TENM2: variants seen among roughly 807,000 people sequenced by gnomAD.
TENM2 encodes the protein teneurin transmembrane protein 2.
TENM2 carries 52 observed loss-of-function variants against 245.2 expected under a neutral mutation model. The observed-to-expected ratio is 0.21, with a 90% CI of 0.17 to 0.27. The LOEUF is 0.27. Among genes scored for constraint, TENM2 ranks in the 10% least tolerant of loss-of-function variants. The probability of loss-of-function intolerance (pLI) is 1.00; values close to 1 mark genes in which losing one functional copy is unlikely to be tolerated. For synonymous variants in TENM2, 1,363 were observed against 1,438.9 expected (o/e 0.95, Z 1.19); for missense variants, 3,046 against 3,666.8 (o/e 0.83, Z 4.37).
the TENM2 span, among the ~76,000 whole-genome samples, chr5:167,101,600 C>T: frequency 5.9e-5 from 9 of 151,644 alleles, no homozygotes; most frequent in African/African-American, 1.2e-4. Context: ...GCAGTACAAA[C>T]GGCACTGCAT....
chr5:168,069,242 C>T (rs1172957292), intron 7 of TENM2, among the ~76,000 whole-genome samples: 1 of 152,144 alleles, frequency 6.6e-6, no homozygotes, highest in Non-Finnish European at 1.5e-5. Flanking sequence ...GGCCTGGATT[C>T]AAAGAAAGCC....
intron 2 of TENM2, among the ~76,000 whole-genome samples, chr5:167,528,316 G>C (rs775191162): frequency 6.6e-6 from 1 of 152,058 alleles, no homozygotes; most frequent in African/African-American, 2.4e-5. Context: ...TGCAATATTT[G>C]GCTAAATATT....
At chr5:167,301,921 G>T (rs1755353858) in intron 1 of TENM2, among the ~76,000 whole-genome samples, 1 of 152,092 alleles carries the variant, frequency 6.6e-6, no homozygotes, top group African/African-American at 2.4e-5. Context: ...TAGGGTGGAG[G>T]AGTGGAGGCT....
At chr5:167,284,805 T>C (rs1771242099) in exon 1 of TENM2, 1 of 1,520,552 alleles carries the variant, frequency 6.6e-7, no homozygotes. Context: ...CTGACTTTTC[T>C]GAAAACATCA....
exon 4 of TENM2, chr5:167,952,627 C>T: frequency 1.9e-6 from 3 of 1,612,762 alleles, no homozygotes; most frequent in Non-Finnish European, 1.7e-6. Context: ...CTGAGGCCCC[C>T]TCTCCCACCC....
chr5:167,950,523 C>T (rs1442766623), intron 3 of TENM2, among the ~76,000 whole-genome samples: 1 of 152,070 alleles, frequency 6.6e-6, no homozygotes, highest in Non-Finnish European at 1.5e-5. Context: ...AGGGCAGGTT[C>T]TCACTTGTGC....
At chr5:167,398,377 C>CCTTTCTTT (rs33991275) in intron 2 of TENM2, among the ~76,000 whole-genome samples, 4,401 of 137,050 alleles carry the variant, frequency 0.032, 119 homozygotes, top group Non-Finnish European at 0.047. Context: ...TTTCTTTCTT[C>CCTTTCTTT]CTTTCTTTCT....
intron 2 of TENM2, among the ~76,000 whole-genome samples, chr5:167,670,264 T>TC (rs1755845899): frequency 1.3e-5 from 2 of 152,160 alleles, no homozygotes; most frequent in South Asian, 4.1e-4. Context: ...TCCTTCTCTG[T>TC]CCTCTTTGAA....
At chr5:168,101,476 A>G (rs897121487) in intron 9 of TENM2, among the ~76,000 whole-genome samples, 7 of 151,978 alleles carry the variant, frequency 4.6e-5, no homozygotes, top group Non-Finnish European at 1.0e-4. Flanking sequence ...TCCATTCTAC[A>G]TTATGGATCT....
intron 13 of TENM2, among the ~76,000 whole-genome samples, chr5:168,174,480 G>A (rs1759156918): frequency 1.3e-5 from 2 of 152,196 alleles, no homozygotes; most frequent in Non-Finnish European, 2.9e-5. Flanking sequence ...ACGTCAGTGA[G>A]CATCAGAATC....
chr5:168,228,064 C>T, exon 25 of TENM2: 1 of 1,613,938 alleles, frequency 6.2e-7, no homozygotes, highest in Non-Finnish European at 8.5e-7. Context: ...GCTTAAACTC[C>T]ATTGAGTGGC....
chr5:168,251,252 C>T (rs1767090107), intron 27 of TENM2, among the ~76,000 whole-genome samples: 1 of 152,238 alleles, frequency 6.6e-6, no homozygotes. Flanking sequence ...TCACAGGGCA[C>T]AGTCAGCCTC....
the TENM2 span, among the ~76,000 whole-genome samples, chr5:167,063,130 C>G: frequency 2.6e-5 from 4 of 152,222 alleles, no homozygotes; most frequent in East Asian, 5.8e-4. Flanking sequence ...CCCTGTATTT[C>G]AAGTATAAGA....
At chr5:167,669,306 T>G (rs370465675) in intron 2 of TENM2, among the ~76,000 whole-genome samples, 1 of 152,236 alleles carries the variant, frequency 6.6e-6, no homozygotes, top group African/African-American at 2.4e-5. Context: ...GTGGAGAAAG[T>G]TCTTAATAAG....
intron 3 of TENM2, among the ~76,000 whole-genome samples, chr5:167,890,304 C>T (rs57263006): frequency 0.012 from 1,873 of 152,208 alleles, 44 homozygotes; most frequent in African/African-American, 0.042. Flanking sequence ...CACACAGAAA[C>T]AACTTTTTCC....
chr5:167,891,408 A>G (rs562511260), intron 3 of TENM2, among the ~76,000 whole-genome samples: 13 of 152,132 alleles, frequency 8.5e-5, no homozygotes, highest in Admixed American at 7.9e-4. Context: ...CCTGATTACA[A>G]TTACTCTTCA....
chr5:167,149,071 G>A, the TENM2 span, among the ~76,000 whole-genome samples: 1 of 152,024 alleles, frequency 6.6e-6, no homozygotes. Flanking sequence ...ACAAGGTGCA[G>A]GTTAGTTACA....
At chr5:167,513,411 T>TA (rs1770104656) in intron 2 of TENM2, among the ~76,000 whole-genome samples, 1 of 152,190 alleles carries the variant, frequency 6.6e-6, no homozygotes, top group Admixed American at 6.5e-5. Context: ...AGTAACGAAG[T>TA]AAAGCCTGCC....
intron 13 of TENM2, among the ~76,000 whole-genome samples, chr5:168,178,542 T>C (rs1046906013): frequency 1.3e-5 from 2 of 152,090 alleles, no homozygotes; most frequent in Non-Finnish European, 2.9e-5. Context: ...CAGAGAGGCC[T>C]GTCAGAGGCT....
Sources: gnomAD v4.1 joint callset for allele counts (sites outside exome capture counted in the v4.1 genomes callset) on GRCh38, gnomAD v4.1.1 for gene constraint, MANE v1.5 for transcripts, NCBI Gene and HGNC (gene_info 2026-07-23, HGNC 2026-07-21) for gene names.